EP400: variants seen among roughly 807,000 people sequenced by gnomAD.
The protein encoded by EP400 is E1A binding protein p400.
EP400 carries 105 observed loss-of-function variants against 354.1 expected under a neutral mutation model. The ratio of observed to expected loss-of-function variants is 0.30; its 90% CI spans 0.25 to 0.35. The LOEUF (loss-of-function observed/expected upper bound fraction) is 0.35. EP400 is among the 10% of genes least tolerant of loss of function. The pLI is 1.00. For synonymous variants in EP400, 1,646 were observed against 1,716.9 expected (o/e 0.96, Z 1.02); for missense variants, 3,280 against 4,121.0 (o/e 0.80, Z 5.59).
At chr12:132,073,015 G>A (rs1043034409) in intron 51 of EP400, among the ~76,000 whole-genome samples, 3 of 151,994 alleles carry the variant, frequency 2.0e-5, no homozygotes, top group Admixed American at 6.6e-5. Flanking sequence ...TGTGTCCCTC[G>A]TCACCTCCTG....
In EP400 at chr12:131,994,145, G is replaced by A. The variant is rs1376837411; in HGVS notation, c.2738-722G>A. 6.6e-6 allele frequency among the ~76,000 whole-genome samples: 1 copy of A among 152,058 alleles called. No individual in the cohort carries two copies. The highest frequency in any genetic ancestry group is 2.4e-5 in the African/African-American group (1 of 41,394). On this transcript the variant is annotated intron_variant, in intron 11 of 52. Transcript: ENST00000389561. This position sits in a 1 kb window ranked among gnomAD's most constrained non-coding sequence, Gnocchi z 4.6. The stretch of plus-strand genomic sequence containing the variant: ...GAGGCCCAGCGACTTGTGTGGTTGG[G>A]GTCAGGTGCCTAGGCCTTCTTGGTG...
In EP400 at chr12:132,038,114, C is replaced by T. The variant is rs780990589; in HGVS notation, c.6207+18C>T. ...TCATAGAGGTAAGAATACATTGAAT[C>T]TGGCTGAAGAGTTGCACGGTGGGAG... On this transcript the variant is annotated intron_variant, in intron 32 of 52. Coordinates refer to ENST00000389561, the MANE Select transcript of EP400 (RefSeq NM_015409.5). This position sits in a 1 kb window ranked among gnomAD's most constrained non-coding sequence, Gnocchi z 4.2. 1.2e-6 allele frequency: 2 copies of T among 1,613,798 alleles called. No individual in the cohort carries two copies. Among genetic ancestry groups the T allele is most frequent in the Non-Finnish European group, 1.7e-6 (2 of 1,179,916 alleles).
At chr12:132,068,703 T>C (rs1895978128) in intron 50 of EP400, 1 of 152,312 alleles carries the variant, frequency 6.6e-6, no homozygotes, top group African/African-American at 2.4e-5. Context: ...GCATCCCCAC[T>C]TGGCACGACC....
intron 41 of EP400, among the ~76,000 whole-genome samples, chr12:132,051,803 A>T (rs141846724): frequency 0.014 from 2,181 of 151,628 alleles, 50 homozygotes; most frequent in African/African-American, 0.05. Flanking sequence ...TTTTCTCTAA[A>T]CTCCCCTGGG....
At chr12:132,076,997 G>C (rs1190385512) in intron 52 of EP400, among the ~76,000 whole-genome samples, 1 of 152,254 alleles carries the variant, frequency 6.6e-6, no homozygotes, top group Non-Finnish European at 1.5e-5. Flanking sequence ...TTTCACTGTT[G>C]TCACTGATGC....
At chr12:131,972,522 A>T (rs1892325377) in intron 2 of EP400, among the ~76,000 whole-genome samples, 1 of 152,068 alleles carries the variant, frequency 6.6e-6, no homozygotes, top group Non-Finnish European at 1.5e-5. Flanking sequence ...ATAAATTCAG[A>T]ATTTGTTATT....
Position 132,005,127 on chromosome 12 carries a change from C to A in EP400, c.2878C>A (p.Pro960Thr). 1 of 1,590,832 alleles carries A rather than the reference C, an allele frequency of 6.3e-7. No individual in the cohort carries two copies. The highest frequency in any genetic ancestry group is 8.6e-7 in the Non-Finnish European group (1 of 1,168,834). The change falls in exon 13 of 53, where the codon CCG becomes ACG. Residue 960 changes from proline to threonine, a missense_variant. This residue lies in a region of EP400 where 800 missense variants were observed against 840.0 expected (regional missense o/e 0.95). Coordinates refer to ENST00000389561, the MANE Select transcript of EP400 (RefSeq NM_015409.5). ...GAAGCTGTACGAAGGCGCCTTCCTG[C>A]CGAGTTCTCAGTGGCCCCGGCCGAA... ...LMKLYEGAFL[P>T]SSQWPRPKPD...
intron 11 of EP400, among the ~76,000 whole-genome samples, chr12:131,993,600 A>G (rs1426702489): frequency 6.6e-6 from 1 of 152,158 alleles, no homozygotes; most frequent in South Asian, 2.1e-4. Context: ...AACAACGGGG[A>G]TATATTCTGA....
rs1173684024 is a variant in EP400, at chr12:132,017,075, CT to C, written c.3924-458del. Among the ~76,000 whole-genome samples the C allele has an allele frequency of 6.6e-6, 1 of 152,242 alleles. No homozygotes were observed. The highest frequency in any genetic ancestry group is 1.5e-5 in the Non-Finnish European group (1 of 68,042). ...CGTTGTAGGTCCTTCTGTCTGCCCC[CT>C]TCACTGGGTGGTAAGCCGCACAGGG... is the stretch of plus-strand genomic sequence containing the variant. On this transcript the variant is annotated intron_variant, in intron 19 of 52. Transcript: ENST00000389561. The surrounding 1 kb of genome is among the most constrained non-coding windows in gnomAD (Gnocchi z 5.0).
intron 2 of EP400, 89 bp downstream of exon 2, chr12:131,962,043 C>A: frequency 7.0e-7 from 1 of 1,435,966 alleles, no homozygotes; most frequent in Non-Finnish European, 9.2e-7. Context: ...TTTATTGAGC[C>A]TGCGGTATTT....
At chr12:132,043,253 A>G (rs776509417) in intron 32 of EP400, 51 bp from the exon 33 acceptor site, 3 of 1,570,668 alleles carry the variant, frequency 1.9e-6, no homozygotes, top group South Asian at 1.2e-5. Flanking sequence ...TTTTCAAACT[A>G]CCCTCATTTA....
intron 12 of EP400, among the ~76,000 whole-genome samples, chr12:131,996,479 G>T (rs1446854547): frequency 4.6e-5 from 7 of 151,996 alleles, no homozygotes; most frequent in African/African-American, 1.7e-4. Context: ...TTTTAGTAGA[G>T]ATGGGGTTTC....
chr12:131,987,083 G>T (rs36083974), intron 6 of EP400, among the ~76,000 whole-genome samples: 5,907 of 152,244 alleles, frequency 0.039, 157 homozygotes, highest in Non-Finnish European at 0.062. Context: ...GCAGTTAGGC[G>T]GAGAGGGACA....
chr12:132,043,441 G>A lies in EP400; in HGVS notation c.6345G>A (p.Glu2115=), dbSNP rs117982214. The change falls in exon 33 of 53, where the codon GAG becomes GAA. Residue 2115 remains glutamate (E), a synonymous_variant. Transcript: ENST00000389561. ...ATGAAGAACCATCCCAATTAGAGGA[G>A]CTAGCTGACTTCATGGAGCAGGTTT... ...PCDEEPSQLE[E]LADFMEQLTP... 15,207 of 1,613,056 alleles carry A rather than the reference G, an allele frequency of 9.4e-3. 441 individuals carry two copies. Among genetic ancestry groups the A allele is most frequent in the South Asian group, 0.081 (7,408 of 90,944 alleles).
At chr12:132,044,395 T>A in intron 35 of EP400, 84 bp downstream of exon 35, 1 of 1,512,004 alleles carries the variant, frequency 6.6e-7, no homozygotes, top group Non-Finnish European at 8.9e-7. Flanking sequence ...TCAAAGTCTG[T>A]GTACATTGAC....
At position 132,050,731 on chromosome 12, in the gene EP400, C is replaced by T. The variant is rs1296286020; in HGVS notation, c.7394+76C>T. On this transcript the variant is annotated intron_variant, in intron 41 of 52. Coordinates refer to ENST00000389561, the MANE Select transcript of EP400 (RefSeq NM_015409.5). This position sits in a 1 kb window ranked among gnomAD's most constrained non-coding sequence, Gnocchi z 4.8. Reference sequence around the variant, plus strand: ...CAGTGTCATCTAAGTTCAGTGAGTTCAGCAAATCGTTGTGCACTTAGCGTG... The same window carrying T: ...CAGTGTCATCTAAGTTCAGTGAGTTTAGCAAATCGTTGTGCACTTAGCGTG... The T allele has an allele frequency of 1.1e-5, 18 of 1,574,146 alleles. No individual in the cohort carries two copies. Among genetic ancestry groups the T allele is most frequent in the Admixed American group, 1.0e-4 (6 of 59,918 alleles).
chr12:132,017,997 A>C lies in EP400; in HGVS notation c.4111-213A>C, dbSNP rs916443018. On this transcript the variant is annotated intron_variant, in intron 20 of 52. Transcript: ENST00000389561. This position sits in a 1 kb window ranked among gnomAD's most constrained non-coding sequence, Gnocchi z 5.0. ...GTTGTGTGGATTGTGGGCTGTGAGA[A>C]GTAGCTGAGCATGCACGCTCATCAG... 6.6e-6 allele frequency among the ~76,000 whole-genome samples: 1 copy of C among 152,198 alleles called. No homozygotes were observed. Among genetic ancestry groups the C allele is most frequent in the Non-Finnish European group, 1.5e-5 (1 of 68,034 alleles).
intron 30 of EP400, among the ~76,000 whole-genome samples, chr12:132,034,789 G>A (rs924894655): frequency 6.6e-6 from 1 of 152,232 alleles, no homozygotes; most frequent in Non-Finnish European, 1.5e-5. Flanking sequence ...AGTCCAGAGG[G>A]ATGAAGGACT....
chr12:131,998,537 T>G (rs1398808318), intron 12 of EP400, among the ~76,000 whole-genome samples: 1 of 151,928 alleles, frequency 6.6e-6, no homozygotes, highest in African/African-American at 2.4e-5. Context: ...AATGGTATAT[T>G]TTCTAAAATT....
Sources: allele counts gnomAD v4.1 joint callset (sites outside exome capture counted in the v4.1 genomes callset), GRCh38; gene constraint gnomAD v4.1.1; regional missense constraint gnomAD v4.1.1; non-coding constraint Gnocchi (gnomAD v3.1); transcripts MANE v1.5; gene names NCBI Gene and HGNC (gene_info 2026-07-23, HGNC 2026-07-21).